The following MUSK variants were observed in gnomAD, a reference collection of about 807,000 sequenced individuals.
MUSK encodes the protein muscle associated receptor tyrosine kinase, also known as muscle, skeletal receptor tyrosine-protein kinase.
MUSK carries 55 observed loss-of-function variants against 88.7 expected under a neutral mutation model. The observed-to-expected ratio is 0.62, with a 90% CI of 0.50 to 0.78. The LOEUF (loss-of-function observed/expected upper bound fraction) is 0.78, where lower values mean the gene tolerates loss of function less well. Among genes scored for constraint, MUSK ranks in the 30% least tolerant of loss-of-function variants. The pLI, the probability that MUSK is intolerant of heterozygous loss-of-function variation, is 0.00. For synonymous variants in MUSK, 387 were observed against 391.9 expected, an observed-to-expected ratio of 0.99 and a Z score of 0.15; for missense variants, 1,015 against 1,074.3, an observed-to-expected ratio of 0.94 and a Z score of 0.77.
At chr9:110,785,897 TATAC>T (rs745686495) in intron 13 of MUSK, among the ~76,000 whole-genome samples, 179 bp downstream of exon 13, 19 of 148,896 alleles carry the variant, frequency 1.3e-4, no homozygotes, top group Admixed American at 6.7e-5. Flanking sequence ...TGTATATATA[TATAC>T]ACACACACAT....
rs768739017 is a variant in MUSK at position 110,784,819 on chromosome 9, C to CCCA, written c.1393_1395dup (p.Pro465dup). The stretch of plus-strand genomic sequence containing the variant: ...ATAATTATTCTTTACTTACAGCATT[C>CCCA]CCACCAATGACGTCCTCAAAGCCAA... On this transcript the variant is annotated inframe_insertion, in exon 12 of 15. Coordinates refer to ENST00000374448, the MANE Select transcript of MUSK (RefSeq NM_005592.4). The CCCA allele has an allele frequency of 6.2e-7, 1 of 1,605,258 alleles. No homozygotes were observed. Among genetic ancestry groups the CCCA allele is most frequent in the Non-Finnish European group, 8.5e-7 (1 of 1,175,344 alleles).
intron 7 of MUSK, among the ~76,000 whole-genome samples, chr9:110,755,064 GAT>G (rs1378407154): frequency 1.3e-5 from 2 of 152,146 alleles, no homozygotes; most frequent in Non-Finnish European, 2.9e-5. Flanking sequence ...AATGTAAATA[GAT>G]ATAACATTTA....
At chr9:110,677,124 C>T (rs1057183496) in intron 1 of MUSK, among the ~76,000 whole-genome samples, 3 of 152,184 alleles carry the variant, frequency 2.0e-5, no homozygotes, top group African/African-American at 7.2e-5. Flanking sequence ...TCCTGTCTTT[C>T]TCCAATGTCC....
In MUSK at chr9:110,801,353, AG is replaced by A. The variant is rs2078095787; in HGVS notation, c.*366del. 3 of 167,994 alleles carry A rather than the reference AG, an allele frequency of 1.8e-5. No homozygotes were observed. Among genetic ancestry groups the A allele is most frequent in the Admixed American group, 6.2e-5 (1 of 16,012 alleles). 10.4% of individuals were successfully genotyped at this position (167,994 alleles called of 1,614,324 possible). A position where few individuals can be genotyped will look rare whatever the true frequency, so the allele number is the denominator to read the frequency against. On this transcript the variant is annotated 3_prime_UTR_variant, in exon 15 of 15. Transcript: ENST00000374448. The stretch of plus-strand genomic sequence containing the variant: ...TAAATTTTAATATGAAATGGGATTC[AG>A]AGCTTCATTTTTTAATTGAGTTAAT...
In MUSK at chr9:110,800,360, G is replaced by A; in HGVS notation, c.1982G>A (p.Gly661Asp). The change falls in exon 15 of 15, where the codon GGT becomes GAT. Residue 661 changes from glycine (G) to aspartate (D), a missense_variant. Physicochemically the swap from Gly to Asp is moderately conservative, Grantham distance 94 (BLOSUM62 -1). Coordinates refer to ENST00000374448, the MANE Select transcript of MUSK (RefSeq NM_005592.4). ...MCLLFEYMAY[G>D]DLNEFLRSMS... Reference sequence around the variant, plus strand: ...CTGCTCTTTGAATACATGGCCTATGGTGACCTCAATGAGTTCCTCCGCAGC... The same window carrying A: ...CTGCTCTTTGAATACATGGCCTATGATGACCTCAATGAGTTCCTCCGCAGC... 1.2e-6 allele frequency: 2 copies of A among 1,613,764 alleles called. No homozygotes were observed. Among genetic ancestry groups the A allele is most frequent in the South Asian group, 2.2e-5 (2 of 91,056 alleles).
At chr9:110,788,992 G>A (rs1012707380) in intron 14 of MUSK, among the ~76,000 whole-genome samples, 1 of 152,186 alleles carries the variant, frequency 6.6e-6, no homozygotes, top group Non-Finnish European at 1.5e-5. Flanking sequence ...GAAAGATGGG[G>A]AGAGTTATCA....
At chr9:110,740,780 G>A (rs1480273678) in intron 6 of MUSK, among the ~76,000 whole-genome samples, 1 of 152,112 alleles carries the variant, frequency 6.6e-6, no homozygotes, top group Non-Finnish European at 1.5e-5. Flanking sequence ...AGATAGAAGG[G>A]AAGAGCATTC....
chr9:110,689,029 C>T (rs578044756), intron 3 of MUSK, among the ~76,000 whole-genome samples: 50 of 136,046 alleles, frequency 3.7e-4, no homozygotes, highest in African/African-American at 1.0e-3. Context: ...AATATAAATA[C>T]GTATAACTAT....
At chr9:110,787,916 T>G in intron 14 of MUSK, 78 bp downstream of exon 14, 1 of 1,485,658 alleles carries the variant, frequency 6.7e-7, no homozygotes, top group Non-Finnish European at 9.2e-7. Flanking sequence ...TGTTCGTGCT[T>G]TTTCCTTTTC....
intron 5 of MUSK, among the ~76,000 whole-genome samples, chr9:110,721,667 C>T (rs1010903330): frequency 3.9e-5 from 6 of 152,070 alleles, no homozygotes; most frequent in African/African-American, 1.4e-4. Flanking sequence ...ACCATACTGC[C>T]TAAAGCAATC....
chr9:110,730,790 A>T (rs1010167209), intron 5 of MUSK, among the ~76,000 whole-genome samples: 1 of 152,094 alleles, frequency 6.6e-6, no homozygotes, highest in Non-Finnish European at 1.5e-5. Flanking sequence ...TTGGGTAAAA[A>T]CATATCAGCT....
At chr9:110,765,738 T>G (rs2077472004) in intron 8 of MUSK, among the ~76,000 whole-genome samples, 1 of 151,894 alleles carries the variant, frequency 6.6e-6, no homozygotes, top group Non-Finnish European at 1.5e-5. Flanking sequence ...CACGCCCGGC[T>G]AATTTTTATG....
At chr9:110,779,680 A>G (rs2077722901) in intron 11 of MUSK, among the ~76,000 whole-genome samples, 1 of 152,190 alleles carries the variant, frequency 6.6e-6, no homozygotes, top group Non-Finnish European at 1.5e-5. Context: ...AACTCATGCT[A>G]GCTGTCTAAT....
At chr9:110,674,211 T>A (rs145278970) in intron 1 of MUSK, among the ~76,000 whole-genome samples, 145 of 152,322 alleles carry the variant, frequency 9.5e-4, no homozygotes, top group African/African-American at 3.4e-3. Context: ...GGAAATAGCA[T>A]GTGTAGTAGC....
At chr9:110,698,956 A>G (rs1429614696) in intron 5 of MUSK, among the ~76,000 whole-genome samples, 1 of 152,162 alleles carries the variant, frequency 6.6e-6, no homozygotes, top group Non-Finnish European at 1.5e-5. Context: ...AATGCTATCC[A>G]TTTGTATAAA....
At chr9:110,768,700 C>T (rs2077523453) in intron 9 of MUSK, among the ~76,000 whole-genome samples, 1 of 152,042 alleles carries the variant, frequency 6.6e-6, no homozygotes, top group African/African-American at 2.4e-5. Flanking sequence ...TAAACATGGA[C>T]CTCATTAGTA....
At chr9:110,790,292 A>G (rs2077951207) in intron 14 of MUSK, among the ~76,000 whole-genome samples, 1 of 152,164 alleles carries the variant, frequency 6.6e-6, no homozygotes, top group Admixed American at 6.6e-5. Context: ...AAGTGAGCTC[A>G]AAAGAAGAGG....
intron 6 of MUSK, among the ~76,000 whole-genome samples, chr9:110,734,603 CT>C (rs1229468942): frequency 6.6e-6 from 1 of 152,054 alleles, no homozygotes; most frequent in East Asian, 1.9e-4. Context: ...CAATTTCTTT[CT>C]TTGTGCCTTT....
rs182139248 is a variant in MUSK, at chr9:110,805,521, T to C, written c.*4533T>C. On this transcript the variant is annotated 3_prime_UTR_variant, in exon 15 of 15. Transcript: ENST00000374448. ...TTTTCTACTGGGTATATCTTTTTCT[T>C]GTTGCTTTGTAAGAGCACTTTATAT... Among the ~76,000 whole-genome samples the C allele has an allele frequency of 2.1e-4, 32 of 152,168 alleles. No individual in the cohort carries two copies. Among genetic ancestry groups the C allele is most frequent in the African/African-American group, 7.5e-4 (31 of 41,602 alleles).
Sources: allele counts gnomAD v4.1 joint callset (sites outside exome capture counted in the v4.1 genomes callset), GRCh38; gene constraint gnomAD v4.1.1; transcripts MANE v1.5; gene names NCBI Gene and HGNC (gene_info 2026-07-23, HGNC 2026-07-21).